Variants in CDH18 observed in about 807,000 individuals in gnomAD.
CDH18 encodes cadherin-18.
CDH18 carries 31 observed loss-of-function variants against 67.9 expected under a neutral mutation model. The observed-to-expected ratio is 0.46, with a 90% CI of 0.34 to 0.62. The LOEUF is 0.62. Ranked by LOEUF, CDH18 falls within the 20% of genes least tolerant of loss-of-function variation. The pLI, the probability that CDH18 is intolerant of heterozygous loss-of-function variation, is 0.01. For missense variants in CDH18, 890 were observed against 975.5 expected (o/e 0.91, Z 1.17); for synonymous variants, 362 against 347.2 (o/e 1.04, Z -0.48).
chr5:19,811,715 A>G (rs953711153), intron 3 of CDH18, among the ~76,000 whole-genome samples: 1 of 152,234 alleles, frequency 6.6e-6, no homozygotes, highest in Non-Finnish European at 1.5e-5. Context: ...AAGAGAAAGA[A>G]AGACAATTTA....
At chr5:19,905,895 T>C (rs1790482041) in intron 2 of CDH18, among the ~76,000 whole-genome samples, 1 of 152,080 alleles carries the variant, frequency 6.6e-6, no homozygotes, top group Admixed American at 6.6e-5. Context: ...ATTAAAAAAA[T>C]TCTGAATTGA....
intron 1 of CDH18, among the ~76,000 whole-genome samples, chr5:20,389,481 A>C (rs1168857468): frequency 1.3e-5 from 2 of 152,058 alleles, no homozygotes; most frequent in East Asian, 3.9e-4. Flanking sequence ...AATACAGCAC[A>C]CTGATGGTTC....
At chr5:19,474,090 G>C (rs929779545) in intron 12 of CDH18, among the ~76,000 whole-genome samples, 8 of 152,074 alleles carry the variant, frequency 5.3e-5, no homozygotes, top group Non-Finnish European at 1.0e-4. Flanking sequence ...ATAATGTAGT[G>C]AGCTGGTCTC....
intron 9 of CDH18, among the ~76,000 whole-genome samples, chr5:19,536,555 T>A (rs1453916479): frequency 1.3e-5 from 2 of 152,228 alleles, no homozygotes; most frequent in African/African-American, 4.8e-5. Flanking sequence ...TACGTATCTC[T>A]GTGCATATGT....
intron 2 of CDH18, among the ~76,000 whole-genome samples, chr5:19,944,822 T>A (rs1029582608): frequency 6.6e-6 from 1 of 152,066 alleles, no homozygotes; most frequent in Non-Finnish European, 1.5e-5. Flanking sequence ...TTCCAAAAGC[T>A]GGAAAGACAA....
intron 1 of CDH18, among the ~76,000 whole-genome samples, chr5:20,560,392 A>G (rs1758132147): frequency 6.6e-6 from 1 of 151,758 alleles, no homozygotes; most frequent in Non-Finnish European, 1.5e-5. Flanking sequence ...AAAGTAGTAT[A>G]TAACAGTTAA....
At chr5:19,725,655 G>A (rs1766745532) in intron 4 of CDH18, among the ~76,000 whole-genome samples, 1 of 152,120 alleles carries the variant, frequency 6.6e-6, no homozygotes, top group Admixed American at 6.5e-5. Flanking sequence ...TGTAATCCCA[G>A]CTACTTGGGA....
chr5:20,069,435 C>T (rs967141547), intron 2 of CDH18, among the ~76,000 whole-genome samples: 19 of 118,630 alleles, frequency 1.6e-4, no homozygotes, highest in African/African-American at 5.1e-4. Flanking sequence ...TTATTTGAGA[C>T]GGAGTCTCAC....
chr5:19,958,379 C>CAAAAAAAAAAAAAAAAAAAAAAAA (rs57913629), intron 2 of CDH18, among the ~76,000 whole-genome samples: 1 of 66,632 alleles, frequency 1.5e-5, no homozygotes, highest in African/African-American at 5.3e-5. Flanking sequence ...TTTCCTTCAC[C>CAAAAAAAAAAAAAAAAAAAAAAAA]AAAAAAAAAA....
intron 5 of CDH18, among the ~76,000 whole-genome samples, chr5:19,699,755 G>C (rs1006406141): frequency 6.6e-6 from 1 of 151,982 alleles, no homozygotes; most frequent in Admixed American, 6.6e-5. Context: ...CATCACAATA[G>C]TGCAATAATC....
chr5:20,088,159 C>T (rs761655041), intron 2 of CDH18, among the ~76,000 whole-genome samples: 1 of 152,182 alleles, frequency 6.6e-6, no homozygotes, highest in Non-Finnish European at 1.5e-5. Context: ...ACCACCATTG[C>T]TATTCCCATA....
intron 2 of CDH18, among the ~76,000 whole-genome samples, chr5:20,038,355 G>C (rs1481086604): frequency 2.6e-5 from 4 of 152,040 alleles, no homozygotes; most frequent in African/African-American, 9.7e-5. Flanking sequence ...TATTATGAGG[G>C]TAGCATCATC....
intron 2 of CDH18, among the ~76,000 whole-genome samples, chr5:20,096,374 A>G (rs540653386): frequency 6.6e-6 from 1 of 152,304 alleles, no homozygotes; most frequent in Non-Finnish European, 1.5e-5. Context: ...TCAGAAAAAA[A>G]TGTACCACAT....
chr5:20,103,492 G>A (rs1378323026), intron 2 of CDH18, among the ~76,000 whole-genome samples: 1 of 151,196 alleles, frequency 6.6e-6, no homozygotes, highest in Non-Finnish European at 1.5e-5. Flanking sequence ...TTGGGAGACC[G>A]AGGCAGGGAG....
chr5:20,147,667 T>C (rs1156376888), intron 2 of CDH18, among the ~76,000 whole-genome samples: 1 of 152,148 alleles, frequency 6.6e-6, no homozygotes, highest in African/African-American at 2.4e-5. Context: ...AAAGATATTT[T>C]ACCTGCAATT....
At chr5:19,611,117 C>T (rs893925544) in intron 6 of CDH18, among the ~76,000 whole-genome samples, 4 of 152,216 alleles carry the variant, frequency 2.6e-5, no homozygotes, top group African/African-American at 7.2e-5. Context: ...CACCTAAGTT[C>T]GCAAAACAAT....
At chr5:20,388,756 C>A (rs1744547624) in intron 1 of CDH18, among the ~76,000 whole-genome samples, 5 of 152,094 alleles carry the variant, frequency 3.3e-5, no homozygotes, top group Admixed American at 3.3e-4. Context: ...CCCAGAGATT[C>A]TGGTATGTTG....
At chr5:20,240,591 T>C (rs1742821729) in intron 2 of CDH18, among the ~76,000 whole-genome samples, 1 of 152,214 alleles carries the variant, frequency 6.6e-6, no homozygotes, top group African/African-American at 2.4e-5. Context: ...TTTGAATGTA[T>C]AGTTCAGACA....
intron 1 of CDH18, among the ~76,000 whole-genome samples, chr5:20,454,854 T>C (rs1231861340): frequency 6.6e-6 from 1 of 152,112 alleles, no homozygotes; most frequent in East Asian, 1.9e-4. Context: ...ACTGCCGTTA[T>C]AGCAAGCAGA....
Sources: gnomAD v4.1 joint callset for allele counts (sites outside exome capture counted in the v4.1 genomes callset) on GRCh38, gnomAD v4.1.1 for gene constraint, MANE v1.5 for transcripts, NCBI Gene and HGNC (gene_info 2026-07-23, HGNC 2026-07-21) for gene names.